Variants in PHACTR2 observed in about 807,000 individuals in gnomAD.
The protein encoded by PHACTR2 is phosphatase and actin regulator 2.
Under a neutral mutation model 76.0 loss-of-function variants are expected in PHACTR2, and 30 were observed. That is an observed-to-expected ratio of 0.39 (90% CI 0.30 to 0.54). PHACTR2 has a LOEUF of 0.54. Ranked by LOEUF, PHACTR2 falls within the 20% of genes least tolerant of loss-of-function variation. The pLI is 0.61. For missense variants in PHACTR2, 696 were observed against 781.1 expected, an observed-to-expected ratio of 0.89 and a Z score of 1.30; for synonymous variants, 292 against 292.5, an observed-to-expected ratio of 1.00 and a Z score of 0.02.
Position 143,581,034 on chromosome 6 carries a change from A to G in PHACTR2, c.217+43827A>G, listed in dbSNP as rs1292265300. Among the ~76,000 whole-genome samples the G allele has an allele frequency of 6.6e-6, 1 of 152,220 alleles. No individual in the cohort carries two copies. Among genetic ancestry groups the G allele is most frequent in the Non-Finnish European group, 1.5e-5 (1 of 68,046 alleles). On this transcript the variant is annotated intron_variant, in intron 1 of 11. Coordinates refer to the PHACTR2 transcript ENST00000367584. The surrounding 1 kb of genome is among the most constrained non-coding windows in gnomAD (Gnocchi z 4.5). ...ACACATCAGGAGCTCAAAAACAGAT[A>G]TATTCTTTAAATGTCTAGCCAACAT... is the stretch of plus-strand genomic sequence containing the variant.
rs1779497956 is a variant in PHACTR2, at chr6:143,764,036, A to G, written c.695-1225A>G. ...TTTACTAAGATGACATAAAGAAAAAAGTAGTTAATCTTTTTGTTTTGAAAC... is the reference window on the plus strand; with the variant it reads ...TTTACTAAGATGACATAAAGAAAAAGGTAGTTAATCTTTTTGTTTTGAAAC... On this transcript the variant is annotated intron_variant, in intron 5 of 12. Coordinates refer to ENST00000440869, the MANE Select transcript of PHACTR2 (RefSeq NM_001100164.2). The surrounding 1 kb of genome is among the most constrained non-coding windows in gnomAD (Gnocchi z 4.7). 6.6e-6 allele frequency among the ~76,000 whole-genome samples: 1 copy of G among 152,230 alleles called. No individual in the cohort carries two copies.
At position 143,546,874 on chromosome 6, in the gene PHACTR2, TAA is replaced by T. The variant is rs1299958645; in HGVS notation, c.217+9672_217+9673del. ...GACCCCATCTCAAAAAAAAAAAAAA[TAA>T]AAAATAAAAAATTAGCCAGGTGAAC... On this transcript the variant is annotated intron_variant, in intron 1 of 11. Transcript: ENST00000367584. The surrounding 1 kb of genome is among the most constrained non-coding windows in gnomAD (Gnocchi z 4.9). 7.4e-5 allele frequency among the ~76,000 whole-genome samples: 10 copies of T among 136,006 alleles called. No individual in the cohort carries two copies. Among genetic ancestry groups the T allele is most frequent in the African/African-American group, 2.8e-4 (10 of 35,920 alleles). 89.2% of individuals were successfully genotyped at this position (136,006 alleles called of 152,430 possible).
chr6:143,779,249 CGTTT>C (rs1562304223), intron 9 of PHACTR2, among the ~76,000 whole-genome samples: 1 of 151,834 alleles, frequency 6.6e-6, no homozygotes, highest in African/African-American at 2.4e-5. Flanking sequence ...TGCTCTTGTT[CGTTT>C]GTTTGTATGT....
intron 2 of PHACTR2, among the ~76,000 whole-genome samples, chr6:143,735,525 A>C (rs1562287301): frequency 6.6e-6 from 1 of 152,170 alleles, no homozygotes; most frequent in South Asian, 2.1e-4. Flanking sequence ...ATCGTTGTGC[A>C]ACAGACCTCC....
rs9496675 is a variant in PHACTR2, at chr6:143,573,950, T to C, written c.217+36743T>C. Among the ~76,000 whole-genome samples the C allele has an allele frequency of 6.9e-3, 1,051 of 152,312 alleles. 15 individuals are homozygous for C. The highest frequency in any genetic ancestry group is 0.021 in the African/African-American group (893 of 41,568). On this transcript the variant is annotated intron_variant, in intron 1 of 11. Transcript: ENST00000367584. ...ATTGCATAGCAAATTACCACAATCC[T>C]AGTGGCTGAAACAAGTTACAGGTTC... is the stretch of plus-strand genomic sequence containing the variant.
chr6:143,552,535 T>C (rs550818471), intron 1 of PHACTR2, among the ~76,000 whole-genome samples: 2 of 152,312 alleles, frequency 1.3e-5, no homozygotes, highest in South Asian at 4.1e-4. Context: ...TTCATTAACA[T>C]GATCTTCTGT....
chr6:143,743,217 A>C lies in PHACTR2; in HGVS notation c.215-5768A>C, dbSNP rs895457310. On this transcript the variant is annotated intron_variant, in intron 2 of 12. Coordinates refer to ENST00000440869, the MANE Select transcript of PHACTR2 (RefSeq NM_001100164.2). This position sits in a 1 kb window ranked among gnomAD's most constrained non-coding sequence, Gnocchi z 5.0. Reference sequence around the variant, plus strand: ...GTCTAAATTCTAGGAAGAAGGAACAATACATGAAGGAATGGAGCTGAAGAA... The same window carrying C: ...GTCTAAATTCTAGGAAGAAGGAACACTACATGAAGGAATGGAGCTGAAGAA... Among the ~76,000 whole-genome samples the C allele has an allele frequency of 2.6e-5, 4 of 152,260 alleles. No individual in the cohort carries two copies. Among genetic ancestry groups the C allele is most frequent in the African/African-American group, 9.6e-5 (4 of 41,472 alleles).
rs1289666719 is a variant in PHACTR2 at position 143,623,765 on chromosome 6, A to T, written c.13+15443A>T. Among the ~76,000 whole-genome samples, 1 of 152,208 alleles carries T rather than the reference A, an allele frequency of 6.6e-6. No homozygotes were observed. The highest frequency in any genetic ancestry group is 1.5e-5 in the Non-Finnish European group (1 of 68,034). ...CAGAAAGAATAAAAGGGGAATTTTTATATTTTACTCTAGACTTTTCTATTT... is the reference window on the plus strand; with the variant it reads ...CAGAAAGAATAAAAGGGGAATTTTTTTATTTTACTCTAGACTTTTCTATTT... On this transcript the variant is annotated intron_variant, in intron 1 of 11. Coordinates refer to the PHACTR2 transcript ENST00000305766. This position sits in a 1 kb window ranked among gnomAD's most constrained non-coding sequence, Gnocchi z 5.9.
rs1776344604 is a variant in PHACTR2, at chr6:143,818,327, C to T, written c.1923-5347C>T. On this transcript the variant is annotated intron_variant, in intron 12 of 12. Coordinates refer to ENST00000440869, the MANE Select transcript of PHACTR2 (RefSeq NM_001100164.2). This position sits in a 1 kb window ranked among gnomAD's most constrained non-coding sequence, Gnocchi z 4.9. The stretch of plus-strand genomic sequence containing the variant: ...GAAGACAGTCTGGAGCATAGCGCGT[C>T]CACTTACCAGCTGTCTCTCTCTGCC... Among the ~76,000 whole-genome samples, 1 of 152,144 alleles carries T rather than the reference C, an allele frequency of 6.6e-6. No individual in the cohort carries two copies. The highest frequency in any genetic ancestry group is 2.4e-5 in the African/African-American group (1 of 41,428).
At position 143,823,251 on chromosome 6, in the gene PHACTR2, A is replaced by G. The variant is rs1459531699; in HGVS notation, c.1923-423A>G. ...GGAGTCGTCAGCAGGAGATGATGAG[A>G]GGCTGAAGCTAATGAAAAAGTGTCT... is the stretch of plus-strand genomic sequence containing the variant. On this transcript the variant is annotated intron_variant, in intron 12 of 12. Transcript: ENST00000440869. This position sits in a 1 kb window ranked among gnomAD's most constrained non-coding sequence, Gnocchi z 5.7. Among the ~76,000 whole-genome samples, 2 of 152,208 alleles carry G rather than the reference A, an allele frequency of 1.3e-5. No homozygotes were observed. Among genetic ancestry groups the G allele is most frequent in the African/African-American group, 4.8e-5 (2 of 41,446 alleles).
In PHACTR2 at chr6:143,742,060, G is replaced by A. The variant is rs548649125; in HGVS notation, c.215-6925G>A. 1.6e-3 allele frequency among the ~76,000 whole-genome samples: 245 copies of A among 151,934 alleles called. No individual in the cohort carries two copies. The highest frequency in any genetic ancestry group is 5.5e-3 in the African/African-American group (228 of 41,426). On this transcript the variant is annotated intron_variant, in intron 2 of 12. Transcript: ENST00000440869. This position sits in a 1 kb window ranked among gnomAD's most constrained non-coding sequence, Gnocchi z 4.5. The stretch of plus-strand genomic sequence containing the variant: ...GTGGAGGTTGCAGTGAGCTGGGATC[G>A]CGCCACTGCACTGCAGCCTGGGTGA...
At chr6:143,668,910 T>C (rs977323852) in intron 1 of PHACTR2, among the ~76,000 whole-genome samples, 1 of 152,202 alleles carries the variant, frequency 6.6e-6, no homozygotes, top group African/African-American at 2.4e-5. Context: ...TGTTTTCTGC[T>C]AGCTTTTGAA....
rs993319468 is a variant in PHACTR2, at chr6:143,680,291, A to C, written c.46+2082A>C. Among the ~76,000 whole-genome samples the C allele has an allele frequency of 2.0e-5, 3 of 152,132 alleles. No homozygotes were observed. Among genetic ancestry groups the C allele is most frequent in the Admixed American group, 2.0e-4 (3 of 15,270 alleles). ...TAACTGTTTAACTCTGGCTTTACAGATGGCGTGAAGATCCTTGTTCTGTTT... is the reference window on the plus strand; with the variant it reads ...TAACTGTTTAACTCTGGCTTTACAGCTGGCGTGAAGATCCTTGTTCTGTTT... On this transcript the variant is annotated intron_variant, in intron 1 of 12. Coordinates refer to ENST00000440869, the MANE Select transcript of PHACTR2 (RefSeq NM_001100164.2). This position sits in a 1 kb window ranked among gnomAD's most constrained non-coding sequence, Gnocchi z 4.5.
intron 1 of PHACTR2, among the ~76,000 whole-genome samples, chr6:143,706,646 C>G (rs1778061072): frequency 6.6e-6 from 1 of 152,232 alleles, no homozygotes; most frequent in Admixed American, 6.5e-5. Context: ...TGTGATGCCA[C>G]ACATTTTGAT....
rs1340911462 is a variant in PHACTR2 at position 143,780,912 on chromosome 6, C to T, written c.1646-2307C>T. Among the ~76,000 whole-genome samples, 3 of 152,178 alleles carry T rather than the reference C, an allele frequency of 2.0e-5. No homozygotes were observed. Among genetic ancestry groups the T allele is most frequent in the Non-Finnish European group, 4.4e-5 (3 of 68,024 alleles). On this transcript the variant is annotated intron_variant, in intron 9 of 12. Coordinates refer to ENST00000440869, the MANE Select transcript of PHACTR2 (RefSeq NM_001100164.2). This position sits in a 1 kb window ranked among gnomAD's most constrained non-coding sequence, Gnocchi z 4.4. Reference sequence around the variant, plus strand: ...AAAAATGAAGGAAGCATACAAAAAACTTGGTGTATTTTCAAATACTGAGTT... The same window carrying T: ...AAAAATGAAGGAAGCATACAAAAAATTTGGTGTATTTTCAAATACTGAGTT...
At chr6:143,752,968 G>T (rs1286959613) in intron 3 of PHACTR2, among the ~76,000 whole-genome samples, 9 of 151,966 alleles carry the variant, frequency 5.9e-5, no homozygotes, top group Non-Finnish European at 1.0e-4. Flanking sequence ...GGAAATACAG[G>T]AGTTAAAATT....
At chr6:143,687,525 ACTT>A (rs1203128477) in intron 1 of PHACTR2, among the ~76,000 whole-genome samples, 3 of 152,206 alleles carry the variant, frequency 2.0e-5, no homozygotes, top group Non-Finnish European at 4.4e-5. Flanking sequence ...GAAAATAAAC[ACTT>A]CTTGTTTCCT....
Position 143,570,017 on chromosome 6 carries a change from T to C in PHACTR2, c.217+32810T>C, listed in dbSNP as rs1189918277. ...ATGTTTTTGAATGAGTAAACATTACTATAAAAAATGTTTAAATCTAGGAAC... is the reference window on the plus strand; with the variant it reads ...ATGTTTTTGAATGAGTAAACATTACCATAAAAAATGTTTAAATCTAGGAAC... On this transcript the variant is annotated intron_variant, in intron 1 of 11. Coordinates refer to the PHACTR2 transcript ENST00000367584. The surrounding 1 kb of genome is among the most constrained non-coding windows in gnomAD (Gnocchi z 4.6). Among the ~76,000 whole-genome samples the C allele has an allele frequency of 2.6e-5, 4 of 152,314 alleles. No homozygotes were observed. In the South Asian group the frequency reaches 6.2e-4, roughly 24 times the overall value.
In PHACTR2 at chr6:143,557,329, G is replaced by T. The variant is rs1262282086; in HGVS notation, c.217+20122G>T. ...ACAGATGGGGAAAGTGGAGAGGGAG[G>T]TAAATCATCTTGGGTCATACAGCCA... On this transcript the variant is annotated intron_variant, in intron 1 of 11. Coordinates refer to the PHACTR2 transcript ENST00000367584. This position sits in a 1 kb window ranked among gnomAD's most constrained non-coding sequence, Gnocchi z 5.5. Among the ~76,000 whole-genome samples the T allele has an allele frequency of 1.3e-5, 2 of 152,184 alleles. No individual in the cohort carries two copies. The highest frequency in any genetic ancestry group is 4.8e-5 in the African/African-American group (2 of 41,458).
Sources: allele counts gnomAD v4.1 joint callset (sites outside exome capture counted in the v4.1 genomes callset), GRCh38; gene constraint gnomAD v4.1.1; non-coding constraint Gnocchi (gnomAD v3.1); transcripts MANE v1.5; gene names NCBI Gene and HGNC (gene_info 2026-07-23, HGNC 2026-07-21).